The following AKR1C4 variants were observed in gnomAD, a reference collection of about 807,000 sequenced individuals.
AKR1C4 encodes 3-alpha-HSD1.
In AKR1C4, 44 loss-of-function variants were observed where a neutral mutation model predicts 41.0. The observed-to-expected ratio is 1.07, with a 90% CI of 0.84 to 1.38. AKR1C4 has a LOEUF of 1.38. AKR1C4 is among the 40% of genes most tolerant of loss of function. AKR1C4 has a pLI of 0.00. For missense variants in AKR1C4, 438 were observed against 387.9 expected (o/e 1.13, Z -1.09); for synonymous variants, 165 against 137.7 (o/e 1.20, Z -1.39).
At chr10:5,214,121 T>G (rs1554798243) in intron 7 of AKR1C4, among the ~76,000 whole-genome samples, 2 of 152,082 alleles carry the variant, frequency 1.3e-5, no homozygotes, top group Non-Finnish European at 2.9e-5. Context: ...GGGATAGTAA[T>G]TTGATTTTTA....
chr10:5,211,123 C>T (rs1400254123), intron 5 of AKR1C4, among the ~76,000 whole-genome samples: 1 of 152,146 alleles, frequency 6.6e-6, no homozygotes, highest in African/African-American at 2.4e-5. Context: ...ATTTTTTCCT[C>T]CTAGACCTCC....
In AKR1C4 at chr10:5,214,135, T is replaced by C. The variant is rs56705523; in HGVS notation, c.846+976T>C. On this transcript the variant is annotated intron_variant, in intron 7 of 8. Coordinates refer to ENST00000263126, the MANE Select transcript of AKR1C4 (RefSeq NM_001818.5). The stretch of plus-strand genomic sequence containing the variant: ...TGGGATAGTAATTTGATTTTTAATA[T>C]GTGAAATAAGAGTACAAATGTACAT... Among the ~76,000 whole-genome samples, 517 of 152,244 alleles carry C rather than the reference T, an allele frequency of 3.4e-3. 6 individuals carry two copies. Among genetic ancestry groups the C allele is most frequent in the African/African-American group, 0.011 (463 of 41,562 alleles).
intron 8 of AKR1C4, among the ~76,000 whole-genome samples, chr10:5,217,824 C>A (rs1168407192): frequency 6.6e-6 from 1 of 152,184 alleles, no homozygotes; most frequent in African/African-American, 2.4e-5. Flanking sequence ...ATATAGCTGA[C>A]AAAAGATCTT....
chr10:5,215,003 G>A (rs1248164497), intron 7 of AKR1C4, among the ~76,000 whole-genome samples: 1 of 152,070 alleles, frequency 6.6e-6, no homozygotes, highest in South Asian at 2.1e-4. Flanking sequence ...TCACATTATA[G>A]CTGTTTGTCA....
chr10:5,216,005 T>A (rs529754161), intron 7 of AKR1C4, among the ~76,000 whole-genome samples: 231 of 152,314 alleles, frequency 1.5e-3, no homozygotes, highest in Non-Finnish European at 2.8e-3. Context: ...CGAGGCCAGA[T>A]AAAATATGCC....
intron 1 of AKR1C4, among the ~76,000 whole-genome samples, chr10:5,198,658 C>T (rs1554796579): frequency 6.6e-6 from 1 of 152,128 alleles, no homozygotes; most frequent in African/African-American, 2.4e-5. Context: ...ACACCGTATT[C>T]TTACCATAAT....
rs1832662849 is a variant in AKR1C4, at chr10:5,216,743, G to A, written c.879G>A (p.Met293Ile). The A allele has an allele frequency of 1.9e-6, 3 of 1,612,382 alleles. No individual in the cohort carries two copies. The highest frequency in any genetic ancestry group is 2.7e-5 in the African/African-American group (2 of 75,002). The change falls in exon 8 of 9, where the codon ATG becomes ATA. Residue 293 changes from methionine to isoleucine, a missense_variant. Transcript: ENST00000263126. ...VFEFQLTSEDMKVLDGLNRNY... is the reference protein window; with the variant it reads ...VFEFQLTSEDIKVLDGLNRNY... ...AATTCCAGTTGACATCAGAGGATATGAAAGTTCTAGATGGTCTAAACAGAA... is the reference window on the plus strand; with the variant it reads ...AATTCCAGTTGACATCAGAGGATATAAAAGTTCTAGATGGTCTAAACAGAA...
At chr10:5,212,560 A>G in intron 5 of AKR1C4, 56 bp from the exon 6 acceptor site, 1 of 1,435,582 alleles carries the variant, frequency 7.0e-7, no homozygotes, top group Non-Finnish European at 9.5e-7. Flanking sequence ...TTTAATCTTT[A>G]TATTAACATA....
In AKR1C4 at chr10:5,200,204, G is replaced by A. The variant is rs750374482; in HGVS notation, c.108G>A (p.Glu36=). 3 of 1,613,964 alleles carry A rather than the reference G, an allele frequency of 1.9e-6. No homozygotes were observed. Among genetic ancestry groups the A allele is most frequent in the Non-Finnish European group, 2.5e-6 (3 of 1,179,866 alleles). ...AGGTTCCGAGGAACAGAGCTGTAGAGGTCACCAAATTAGCAATAGAAGCTG... is the reference window on the plus strand; with the variant it reads ...AGGTTCCGAGGAACAGAGCTGTAGAAGTCACCAAATTAGCAATAGAAGCTG... ...PPEVPRNRAV[E]VTKLAIEAGF... is the part of the protein sequence containing the mutation. Residue 36 remains glutamate (E), a synonymous_variant, in exon 2 of 9, where the codon GAG becomes GAA. Coordinates refer to ENST00000263126, the MANE Select transcript of AKR1C4 (RefSeq NM_001818.5).
intron 2 of AKR1C4, among the ~76,000 whole-genome samples, chr10:5,201,187 G>A (rs782110675): frequency 6.6e-6 from 1 of 152,084 alleles, no homozygotes; most frequent in Non-Finnish European, 1.5e-5. Flanking sequence ...TCTCCATACT[G>A]TTTTCCATAA....
intron 4 of AKR1C4, 145 bp downstream of exon 4, chr10:5,205,979 G>C (rs1300932258): frequency 1.4e-5 from 14 of 968,884 alleles, no homozygotes; most frequent in Non-Finnish European, 1.8e-5. Flanking sequence ...GAGTGGTAGG[G>C]AAGAATACAT....
Position 5,218,701 on chromosome 10 carries a change from A to G in AKR1C4, c.930-17A>G, listed in dbSNP as rs1295114660. On this transcript the variant is annotated splice_polypyrimidine_tract_variant and intron_variant, in intron 8 of 8. Transcript: ENST00000263126. ...GTCATTTCATCCATATTTATGTACTATCCTTTCTCTTTTCAGTCTTATGGA... is the reference window on the plus strand; with the variant it reads ...GTCATTTCATCCATATTTATGTACTGTCCTTTCTCTTTTCAGTCTTATGGA... The G allele has an allele frequency of 4.5e-6, 7 of 1,570,374 alleles. No individual in the cohort carries two copies. The highest frequency in any genetic ancestry group is 5.3e-6 in the Non-Finnish European group (6 of 1,140,244).
At position 5,216,893 on chromosome 10, in the gene AKR1C4, T is replaced by G. The variant is rs183963660; in HGVS notation, c.929+100T>G. ...TCAATACCAGGGAGACAGAGGCCAG[T>G]GCAAGTGAGAGGTGAGACAGGAACT... On this transcript the variant is annotated intron_variant, in intron 8 of 8. Transcript: ENST00000263126. The G allele has an allele frequency of 1.1e-3, 857 of 756,642 alleles. 5 individuals are homozygous for G. The East Asian group carries it at 0.02, about 18-fold the overall frequency. 46.9% of individuals were successfully genotyped at this position (756,642 alleles called of 1,614,324 possible). A position where few individuals can be genotyped will look rare whatever the true frequency, so the allele number is the denominator to read the frequency against.
chr10:5,203,319 C>G (rs1554797120), intron 2 of AKR1C4, among the ~76,000 whole-genome samples: 3 of 152,126 alleles, frequency 2.0e-5, no homozygotes, highest in African/African-American at 7.2e-5. Context: ...GCTGAACTCC[C>G]CAAGTTCAAG....
At chr10:5,218,542 GA>G (rs5782814) in intron 8 of AKR1C4, among the ~76,000 whole-genome samples, 175 bp from the exon 9 acceptor site, 3,009 of 146,238 alleles carry the variant, frequency 0.021, 66 homozygotes, top group African/African-American at 0.054. Flanking sequence ...TTCTTATTTT[GA>G]AAAAAAAAAA....
intron 2 of AKR1C4, 111 bp from the exon 3 acceptor site, chr10:5,204,266 C>A: frequency 1.3e-6 from 1 of 797,890 alleles, no homozygotes; most frequent in Non-Finnish European, 2.1e-6. Flanking sequence ...GGAATTTTTG[C>A]CAGAGGTCAT....
intron 5 of AKR1C4, among the ~76,000 whole-genome samples, chr10:5,208,600 C>G (rs1469104828): frequency 6.6e-6 from 1 of 151,518 alleles, no homozygotes; most frequent in Non-Finnish European, 1.5e-5. Context: ...TTCACCTCTA[C>G]AGACCTTTCA....
chr10:5,218,735 A>T lies in AKR1C4; in HGVS notation c.947A>T (p.Asp316Val). The T allele has an allele frequency of 1.2e-6, 2 of 1,604,030 alleles. No homozygotes were observed. The highest frequency in any genetic ancestry group is 1.7e-6 in the Non-Finnish European group (2 of 1,170,852). ...CTTTTCAGTCTTATGGACCATCCTG[A>T]TTATCCATTTTCAGATGAATATTAG... ...VVMDFLMDHP[D>V]YPFSDEY Residue 316 changes from aspartate to valine, a missense_variant, in exon 9 of 9, where the codon GAT (aspartate) becomes GTT (valine). Transcript: ENST00000263126.
chr10:5,214,348 G>A (rs941928988), intron 7 of AKR1C4, among the ~76,000 whole-genome samples: 19 of 137,974 alleles, frequency 1.4e-4, no homozygotes, highest in Middle Eastern at 3.5e-3. Context: ...TACCATAATA[G>A]TAACAGTATT....
Sources: allele counts gnomAD v4.1 joint callset (sites outside exome capture counted in the v4.1 genomes callset), GRCh38; gene constraint gnomAD v4.1.1; transcripts MANE v1.5; gene names NCBI Gene and HGNC (gene_info 2026-07-23, HGNC 2026-07-21).